Variants in SH2D4B observed in about 807,000 individuals in gnomAD.
The protein encoded by SH2D4B is SH2 domain-containing protein 4B.
A neutral mutation model predicts 61.5 loss-of-function variants in SH2D4B; 45 were observed. The observed-to-expected ratio is 0.73, with a 90% confidence interval of 0.58 to 0.94. SH2D4B has a LOEUF of 0.94. SH2D4B is among the 40% of genes least tolerant of loss of function. The probability of loss-of-function intolerance (pLI) is 0.00; values close to 1 mark genes in which losing one functional copy is unlikely to be tolerated. For synonymous variants in SH2D4B, 224 were observed against 220.4 expected (o/e 1.02, Z -0.14); for missense variants, 572 against 574.2 (o/e 1.00, Z 0.04).
At chr10:80,573,048 G>A (rs1349640442) in intron 3 of SH2D4B, among the ~76,000 whole-genome samples, 2 of 110,094 alleles carry the variant, frequency 1.8e-5, no homozygotes, top group Admixed American at 2.5e-4. Context: ...TCCTTGGTGC[G>A]ATCTCGGCTC....
chr10:80,587,152 T>TTTTTTTTTTTTTTTTTTTTTTTG (rs1842267189), intron 3 of SH2D4B, among the ~76,000 whole-genome samples: 1 of 62,398 alleles, frequency 1.6e-5, no homozygotes, highest in African/African-American at 1.9e-4. Flanking sequence ...TTTTGTTTTG[T>TTTTTTTTTTTTTTTTTTTTTTTG]TTTTTTTTTT....
At chr10:80,561,833 T>C (rs1841905522) in intron 1 of SH2D4B, among the ~76,000 whole-genome samples, 1 of 152,100 alleles carries the variant, frequency 6.6e-6, no homozygotes, top group African/African-American at 2.4e-5. Flanking sequence ...CTGAAAAAAA[T>C]GATTAATTCC....
At chr10:80,560,283 G>A (rs529827811) in intron 1 of SH2D4B, among the ~76,000 whole-genome samples, 10 of 151,842 alleles carry the variant, frequency 6.6e-5, no homozygotes, top group African/African-American at 2.2e-4. Flanking sequence ...CACCGTGCCC[G>A]GCTGCACCTT....
chr10:80,605,700 G>A (rs898546938), intron 5 of SH2D4B, among the ~76,000 whole-genome samples: 1 of 152,072 alleles, frequency 6.6e-6, no homozygotes, highest in African/African-American at 2.4e-5. Flanking sequence ...TGTATTTTTA[G>A]TAGAGACAGA....
rs773994601 is a variant in SH2D4B at position 80,644,131 on chromosome 10, A to G, written c.*46A>G. ...ATTCATTTTGGTATCCTGTTTTTGA[A>G]CTCAGCTTAAGAACTTCTCATCTCA... On this transcript the variant is annotated 3_prime_UTR_variant, in exon 8 of 8. Transcript: ENST00000646907. The G allele has an allele frequency of 5.4e-6, 8 of 1,494,424 alleles. No homozygotes were observed. Among genetic ancestry groups the G allele is most frequent in the East Asian group, 2.3e-5 (1 of 43,678 alleles). 92.6% of individuals were successfully genotyped at this position (1,494,424 alleles called of 1,614,324 possible). A position where few individuals can be genotyped will look rare whatever the true frequency, so the allele number is the denominator to read the frequency against.
In SH2D4B at chr10:80,644,446, A is replaced by G. The variant is rs1181599318; in HGVS notation, c.*361A>G. ...ACCCTGAATTTAACATATGGTAGAC[A>G]TTCAGTAAATGTTTGTTGAATGAAT... On this transcript the variant is annotated 3_prime_UTR_variant, in exon 8 of 8. Coordinates refer to ENST00000646907, the MANE Select transcript of SH2D4B (RefSeq NM_001388272.1). The G allele has an allele frequency of 1.1e-5, 2 of 178,004 alleles. No individual in the cohort carries two copies. The highest frequency in any genetic ancestry group is 2.3e-5 in the Non-Finnish European group (2 of 85,720). 11.0% of individuals were successfully genotyped at this position (178,004 alleles called of 1,614,324 possible).
intron 4 of SH2D4B, among the ~76,000 whole-genome samples, chr10:80,590,044 C>A (rs1464347077): frequency 6.6e-6 from 1 of 152,106 alleles, no homozygotes; most frequent in Non-Finnish European, 1.5e-5. Context: ...CTCACAGGTC[C>A]CTAGAGACAG....
At chr10:80,624,931 A>G (rs1303643012) in intron 6 of SH2D4B, among the ~76,000 whole-genome samples, 1 of 152,206 alleles carries the variant, frequency 6.6e-6, no homozygotes, top group East Asian at 1.9e-4. Flanking sequence ...TGAAGGGCAT[A>G]AAGAAAGCTT....
chr10:80,625,653 A>G (rs938090535), intron 6 of SH2D4B, among the ~76,000 whole-genome samples: 3 of 149,844 alleles, frequency 2.0e-5, no homozygotes, highest in Non-Finnish European at 4.4e-5. Flanking sequence ...GCTCACTGCA[A>G]TCTCTACCTC....
At chr10:80,545,332 T>C (rs1461397998) in intron 1 of SH2D4B, among the ~76,000 whole-genome samples, 4 of 151,954 alleles carry the variant, frequency 2.6e-5, no homozygotes, top group Non-Finnish European at 5.9e-5. Flanking sequence ...CTCTTTCTTC[T>C]CCTTCTCTCT....
chr10:80,610,802 CAT>C (rs368369821), intron 6 of SH2D4B, among the ~76,000 whole-genome samples: 23 of 152,292 alleles, frequency 1.5e-4, no homozygotes, highest in African/African-American at 5.5e-4. Context: ...ATTTCTTACA[CAT>C]GTTACGTGCC....
intron 6 of SH2D4B, among the ~76,000 whole-genome samples, chr10:80,620,544 G>C (rs151010161): frequency 1.3e-5 from 2 of 152,338 alleles, no homozygotes; most frequent in African/African-American, 4.8e-5. Flanking sequence ...TGTAGAATCT[G>C]GATGTGGGTT....
intron 4 of SH2D4B, among the ~76,000 whole-genome samples, chr10:80,598,267 G>A (rs1353775232): frequency 6.6e-6 from 1 of 152,198 alleles, no homozygotes; most frequent in African/African-American, 2.4e-5. Context: ...AAAGGTCTGT[G>A]TTCATGAAGT....
At chr10:80,598,694 A>G (rs981819341) in intron 4 of SH2D4B, among the ~76,000 whole-genome samples, 1 of 152,180 alleles carries the variant, frequency 6.6e-6, no homozygotes, top group African/African-American at 2.4e-5. Context: ...TTAGTTATTC[A>G]GTTCAACAGA....
intron 3 of SH2D4B, among the ~76,000 whole-genome samples, chr10:80,572,986 A>ATATATTTTTTTTTTTTT (rs1564772012): frequency 1.1e-4 from 1 of 8,874 alleles, no homozygotes; most frequent in African/African-American, 3.7e-4. Context: ...ATATATATAT[A>ATATATTTTTTTTTTTTT]TTTTTTTTTT....
At chr10:80,574,689 T>TATCA (rs955032969) in intron 3 of SH2D4B, among the ~76,000 whole-genome samples, 8 of 124,632 alleles carry the variant, frequency 6.4e-5, no homozygotes, top group African/African-American at 3.3e-4. Flanking sequence ...GAGTTTTTAT[T>TATCA]ATCAATTAAT....
At chr10:80,617,742 A>G (rs1842676578) in intron 6 of SH2D4B, among the ~76,000 whole-genome samples, 1 of 152,228 alleles carries the variant, frequency 6.6e-6, no homozygotes, top group Non-Finnish European at 1.5e-5. Context: ...TAGGCTTTTC[A>G]GCAACCAGAC....
rs913568563 is a variant in SH2D4B at position 80,541,041 on chromosome 10, G to A, written c.184+2526G>A. The A allele has an allele frequency of 6.5e-5, 53 of 815,924 alleles. No individual in the cohort carries two copies. The Admixed American group carries it at 7.4e-4, about 11-fold the overall frequency. The allele number at this position is 815,924 out of a possible 1,614,324, so 50.5% of individuals were successfully genotyped here. A position where few individuals can be genotyped will look rare whatever the true frequency, so the allele number is the denominator to read the frequency against. Reference sequence around the variant, plus strand: ...AGGCAAGAAACTGTTAGTGAGAAGCGAAAGTACACACTTGAGAGAGAAGTG... The same window carrying A: ...AGGCAAGAAACTGTTAGTGAGAAGCAAAAGTACACACTTGAGAGAGAAGTG... On this transcript the variant is annotated intron_variant, in intron 1 of 7. Coordinates refer to ENST00000646907, the MANE Select transcript of SH2D4B (RefSeq NM_001388272.1).
rs1841539052 is a variant in SH2D4B, at chr10:80,538,667, T to C, written c.184+152T>C. On this transcript the variant is annotated intron_variant, in intron 1 of 7. Transcript: ENST00000646907. This position sits in a 1 kb window ranked among gnomAD's most constrained non-coding sequence, Gnocchi z 4.8. ...CTTGTCTTGTGGGCATCAGGTCCCA[T>C]GAGCCTGTGCTTTTGCCTTTTGGCC... 4.5e-6 allele frequency: 3 copies of C among 665,592 alleles called. No homozygotes were observed. The highest frequency in any genetic ancestry group is 4.3e-5 in the Admixed American group (1 of 23,234). The allele number at this position is 665,592 out of a possible 1,614,324, so 41.2% of individuals were successfully genotyped here.
Sources: gnomAD v4.1 joint callset for allele counts (sites outside exome capture counted in the v4.1 genomes callset) on GRCh38, gnomAD v4.1.1 for gene constraint, Gnocchi (gnomAD v3.1) non-coding constraint, MANE v1.5 for transcripts, NCBI Gene and HGNC (gene_info 2026-07-23, HGNC 2026-07-21) for gene names.